Variants in ESR2 observed in about 807,000 individuals in gnomAD.
The protein encoded by ESR2 is estrogen receptor beta.
ESR2 carries 36 observed loss-of-function variants against 49.6 expected under a neutral mutation model. That is an observed-to-expected ratio of 0.73 (90% CI 0.56 to 0.96). The LOEUF is 0.96. ESR2 is among the 40% of genes least tolerant of loss of function. The pLI, the probability that ESR2 is intolerant of heterozygous loss-of-function variation, is 0.00. For missense variants in ESR2, 714 were observed against 693.0 expected, an observed-to-expected ratio of 1.03 and a Z score of -0.34; for synonymous variants, 320 against 266.1, an observed-to-expected ratio of 1.20 and a Z score of -1.97.
intron 1 of ESR2, among the ~76,000 whole-genome samples, chr14:64,320,554 AC>A (rs2077313463): frequency 6.6e-6 from 1 of 152,200 alleles, no homozygotes; most frequent in African/African-American, 2.4e-5. Flanking sequence ...CATAGAATGT[AC>A]ATTACAGAAT....
At chr14:64,285,661 T>C (rs1438650148) in intron 1 of ESR2, among the ~76,000 whole-genome samples, 2 of 151,658 alleles carry the variant, frequency 1.3e-5, no homozygotes, top group Non-Finnish European at 2.9e-5. Context: ...AACACCATCT[T>C]CACTAAAAAT....
intron 7 of ESR2, among the ~76,000 whole-genome samples, chr14:64,244,674 A>C (rs1194859125): frequency 6.6e-6 from 1 of 152,158 alleles, no homozygotes; most frequent in Non-Finnish European, 1.5e-5. Flanking sequence ...CCAGCTCCCT[A>C]GTTCTCAGGT....
intron 5 of ESR2, among the ~76,000 whole-genome samples, chr14:64,257,858 T>C (rs2140714593): frequency 6.6e-6 from 1 of 152,298 alleles, no homozygotes; most frequent in East Asian, 1.9e-4. Context: ...ATTTCTCTGA[T>C]TGATTAAAAT....
At chr14:64,318,720 C>A (rs2077289822) in intron 1 of ESR2, among the ~76,000 whole-genome samples, 1 of 151,402 alleles carries the variant, frequency 6.6e-6, no homozygotes, top group African/African-American at 2.4e-5. Context: ...GTCAACACAG[C>A]AAGATTCCAT....
intron 3 of ESR2, among the ~76,000 whole-genome samples, chr14:64,272,072 G>A (rs1054395511): frequency 2.6e-5 from 4 of 152,050 alleles, no homozygotes; most frequent in Admixed American, 2.0e-4. Context: ...ATTTGTTATT[G>A]CCCATCTTTT....
At chr14:64,237,434 C>T (rs1204165423) in intron 7 of ESR2, among the ~76,000 whole-genome samples, 2 of 152,126 alleles carry the variant, frequency 1.3e-5, no homozygotes, top group African/African-American at 2.4e-5. Context: ...TTTTAACTAC[C>T]CCGTAGTGTG....
intron 5 of ESR2, among the ~76,000 whole-genome samples, chr14:64,259,840 CA>C (rs1351624698): frequency 6.6e-6 from 1 of 152,304 alleles, no homozygotes; most frequent in East Asian, 1.9e-4. Flanking sequence ...TAGCATCTGA[CA>C]AACCTTTCAC....
chr14:64,245,972 C>T (rs1341827930), intron 7 of ESR2, among the ~76,000 whole-genome samples: 1 of 152,178 alleles, frequency 6.6e-6, no homozygotes, highest in African/African-American at 2.4e-5. Context: ...ATGGCAGCAC[C>T]TATGTGAGGT....
intron 1 of ESR2, among the ~76,000 whole-genome samples, chr14:64,305,406 C>T (rs566466860): frequency 7.2e-5 from 11 of 152,112 alleles, no homozygotes; most frequent in African/African-American, 2.6e-4. Flanking sequence ...CGCAGTGGCT[C>T]ACGCCTGTAA....
intron 7 of ESR2, among the ~76,000 whole-genome samples, chr14:64,247,905 C>T (rs1160903391): frequency 6.6e-6 from 1 of 152,210 alleles, no homozygotes; most frequent in Non-Finnish European, 1.5e-5. Flanking sequence ...ATAATGCCCT[C>T]ATATCAAAGA....
intron 6 of ESR2, among the ~76,000 whole-genome samples, chr14:64,251,224 CAATT>C (rs1448811834): frequency 6.8e-6 from 1 of 147,082 alleles, no homozygotes; most frequent in African/African-American, 2.5e-5. Context: ...TGCCTGCGGA[CAATT>C]AATTATTGGA....
At chr14:64,291,264 A>G (rs2140845277) in intron 1 of ESR2, among the ~76,000 whole-genome samples, 1 of 152,264 alleles carries the variant, frequency 6.6e-6, no homozygotes, top group Non-Finnish European at 1.5e-5. Flanking sequence ...GGAAACATAT[A>G]CAAGTCCAGC....
rs1346251647 is a variant in ESR2, at chr14:64,230,228, A to T, written c.*2909T>A. Among the ~76,000 whole-genome samples, 2 of 151,026 alleles carry T rather than the reference A, an allele frequency of 1.3e-5. No homozygotes were observed. Among genetic ancestry groups the T allele is most frequent in the East Asian group, 3.9e-4 (2 of 5,160 alleles). ...AAAAAAAAAAAAGGTGTCAAATCTT[A>T]TTAAGTGAGGATACTTTGTTTCAAA... On this transcript the variant is annotated 3_prime_UTR_variant, in exon 9 of 9. Transcript: ENST00000341099.
chr14:64,266,128 C>T (rs2076323327), intron 4 of ESR2, among the ~76,000 whole-genome samples: 1 of 152,160 alleles, frequency 6.6e-6, no homozygotes, highest in Non-Finnish European at 1.5e-5. Flanking sequence ...TCTCTCATTC[C>T]CTTTTCTATG....
At chr14:64,227,576 A>G, downstream of ESR2, 1 of 1,614,198 alleles carries the variant, frequency 6.2e-7, no homozygotes, top group Non-Finnish European at 8.5e-7. Flanking sequence ...CTCCATCTTC[A>G]TTCCAAATGA....
chr14:64,323,022 A>G (rs2077343518), intron 1 of ESR2, among the ~76,000 whole-genome samples: 1 of 152,198 alleles, frequency 6.6e-6, no homozygotes, highest in African/African-American at 2.4e-5. Context: ...AAGTTGCAGA[A>G]TATTTTTATT....
chr14:64,294,848 G>T (rs1439987963), upstream of ESR2, among the ~76,000 whole-genome samples: 1 of 152,218 alleles, frequency 6.6e-6, no homozygotes, highest in Non-Finnish European at 1.5e-5. Flanking sequence ...AGAGGTGGAG[G>T]GAGTGGGTTC....
intron 4 of ESR2, among the ~76,000 whole-genome samples, chr14:64,263,514 A>G (rs1436574445): frequency 6.6e-6 from 1 of 152,034 alleles, no homozygotes; most frequent in African/African-American, 2.4e-5. Context: ...AAAATTACCC[A>G]GGCATGGTGG....
intron 1 of ESR2, among the ~76,000 whole-genome samples, chr14:64,302,097 A>G (rs560005411): frequency 2.0e-4 from 30 of 152,186 alleles, no homozygotes; most frequent in Non-Finnish European, 3.2e-4. Flanking sequence ...AGTAATTTGC[A>G]GCAGTGTTTC....
Sources: allele counts gnomAD v4.1 joint callset (sites outside exome capture counted in the v4.1 genomes callset), GRCh38; gene constraint gnomAD v4.1.1; transcripts MANE v1.5; gene names NCBI Gene and HGNC (gene_info 2026-07-23, HGNC 2026-07-21).